PTPRT: variants seen among roughly 807,000 people sequenced by gnomAD.
The protein encoded by PTPRT is protein tyrosine phosphatase receptor type T, also known as receptor-type tyrosine-protein phosphatase T.
Under a neutral mutation model 176.8 loss-of-function variants are expected in PTPRT, and 56 were observed. The ratio of observed to expected loss-of-function variants is 0.32; its 90% confidence interval spans 0.26 to 0.40. The LOEUF (loss-of-function observed/expected upper bound fraction) is 0.40. PTPRT is among the 10% of genes least tolerant of loss of function. The probability of loss-of-function intolerance (pLI) is 1.00; values close to 1 mark genes in which losing one functional copy is unlikely to be tolerated. For synonymous variants in PTPRT, 783 were observed against 739.0 expected (o/e 1.06, Z -0.96); for missense variants, 1,540 against 1,908.2 (o/e 0.81, Z 3.60).
At chr20:42,561,269 A>C (rs1157890021) in intron 7 of PTPRT, among the ~76,000 whole-genome samples, 1 of 152,230 alleles carries the variant, frequency 6.6e-6, no homozygotes, top group East Asian at 1.9e-4. Flanking sequence ...AGGAAAGCAC[A>C]AACCTGCAAT....
chr20:42,695,685 A>G (rs982454948), intron 6 of PTPRT, among the ~76,000 whole-genome samples: 1 of 152,346 alleles, frequency 6.6e-6, no homozygotes, highest in East Asian at 1.9e-4. Flanking sequence ...GAACTTAACA[A>G]GGAAGAAGAT....
chr20:42,151,891 G>A (rs1393634426), intron 17 of PTPRT, among the ~76,000 whole-genome samples: 1 of 152,230 alleles, frequency 6.6e-6, no homozygotes, highest in East Asian at 1.9e-4. Flanking sequence ...GGATAAGCTG[G>A]TCCCTCTAGG....
chr20:42,158,146 T>C (rs1989441306), intron 17 of PTPRT, among the ~76,000 whole-genome samples: 2 of 152,234 alleles, frequency 1.3e-5, no homozygotes, highest in Non-Finnish European at 2.9e-5. Context: ...TTGTTAAAAT[T>C]TGGAGTGGTT....
chr20:42,690,302 G>A (rs985845836), intron 6 of PTPRT, among the ~76,000 whole-genome samples: 4 of 152,146 alleles, frequency 2.6e-5, no homozygotes, highest in Admixed American at 6.5e-5. Context: ...TCCTCTGAGT[G>A]CACGGTGAAT....
rs75433343 is a variant in PTPRT at position 42,350,997 on chromosome 20, A to G, written c.1763-267T>C. 4.4e-3 allele frequency among the ~76,000 whole-genome samples: 670 copies of G among 152,316 alleles called. 4 individuals are homozygous for G. The highest frequency in any genetic ancestry group is 0.016 in the African/African-American group (649 of 41,562). On this transcript the variant is annotated intron_variant, in intron 10 of 30. Coordinates refer to ENST00000373187, the MANE Select transcript of PTPRT (RefSeq NM_007050.6). ...GCATGAACCAAAACGTTCCACACCT[A>G]ATAAACAGATATGTGCAGGGAATAT...
intron 19 of PTPRT, among the ~76,000 whole-genome samples, chr20:42,124,313 G>C (rs1987744688): frequency 6.6e-6 from 1 of 152,346 alleles, no homozygotes; most frequent in Non-Finnish European, 1.5e-5. Flanking sequence ...ATCTGTCTGT[G>C]AGCAATGGGA....
chr20:42,886,494 C>T (rs918615109), intron 1 of PTPRT, among the ~76,000 whole-genome samples: 1 of 152,210 alleles, frequency 6.6e-6, no homozygotes, highest in Non-Finnish European at 1.5e-5. Context: ...CCACAGAATA[C>T]TTTCTCAGTG....
intron 7 of PTPRT, among the ~76,000 whole-genome samples, chr20:42,594,585 A>G (rs60352462): frequency 0.06 from 9,191 of 152,200 alleles, 506 homozygotes; most frequent in African/African-American, 0.15. Context: ...TAGGGAAATC[A>G]GATTTTGCCT....
At chr20:42,644,240 T>G (rs62203850) in intron 7 of PTPRT, among the ~76,000 whole-genome samples, 24,706 of 152,080 alleles carry the variant, frequency 0.16, 2,151 homozygotes, top group South Asian at 0.2. Context: ...TCTTAGGGCC[T>G]GCAGCCTCCA....
chr20:42,391,051 A>C (rs549012024), intron 9 of PTPRT, among the ~76,000 whole-genome samples: 1 of 152,314 alleles, frequency 6.6e-6, no homozygotes, highest in South Asian at 2.1e-4. Context: ...GCCACAATTA[A>C]ACACAAATTG....
chr20:42,469,022 G>A (rs1402452839), intron 8 of PTPRT, among the ~76,000 whole-genome samples: 1 of 152,058 alleles, frequency 6.6e-6, no homozygotes, highest in African/African-American at 2.4e-5. Context: ...AGGTTTCCTA[G>A]GGGAGCTGGG....
At chr20:42,690,327 A>C (rs920594996) in intron 6 of PTPRT, among the ~76,000 whole-genome samples, 7 of 152,144 alleles carry the variant, frequency 4.6e-5, no homozygotes, top group African/African-American at 1.7e-4. Context: ...GGTCTAAGGG[A>C]GAGAAACAGA....
At chr20:42,400,172 A>G (rs1439706135) in intron 9 of PTPRT, among the ~76,000 whole-genome samples, 1 of 146,160 alleles carries the variant, frequency 6.8e-6, no homozygotes, top group African/African-American at 2.5e-5. Flanking sequence ...AGAGACAGCA[A>G]TGTGGAGTAA....
intron 7 of PTPRT, among the ~76,000 whole-genome samples, chr20:42,473,192 T>C (rs2071229580): frequency 6.6e-6 from 1 of 152,138 alleles, no homozygotes; most frequent in African/African-American, 2.4e-5. Context: ...TCCCTCTTTT[T>C]CTCCCCTGGT....
intron 7 of PTPRT, among the ~76,000 whole-genome samples, chr20:42,541,480 G>A (rs937328693): frequency 1.3e-5 from 2 of 151,102 alleles, no homozygotes; most frequent in Admixed American, 6.6e-5. Flanking sequence ...TAGGAAAAGA[G>A]ATACACTAGT....
At chr20:42,840,539 A>T (rs2078260010) in intron 2 of PTPRT, among the ~76,000 whole-genome samples, 1 of 151,936 alleles carries the variant, frequency 6.6e-6, no homozygotes, top group Admixed American at 6.5e-5. Flanking sequence ...CAGCCTCCCT[A>T]GTAGCTGGGA....
intron 9 of PTPRT, among the ~76,000 whole-genome samples, chr20:42,444,291 C>A (rs2059344058): frequency 7.4e-6 from 1 of 134,604 alleles, no homozygotes. Context: ...GGCTTATAGG[C>A]AAGAATTAAA....
At chr20:42,679,404 T>C (rs1421275086) in intron 6 of PTPRT, among the ~76,000 whole-genome samples, 2 of 152,132 alleles carry the variant, frequency 1.3e-5, no homozygotes, top group African/African-American at 4.8e-5. Flanking sequence ...TGGACCAACT[T>C]GCACCAAGGA....
chr20:42,198,382 T>C (rs1176189067), intron 16 of PTPRT, among the ~76,000 whole-genome samples: 2 of 152,220 alleles, frequency 1.3e-5, no homozygotes, highest in Non-Finnish European at 2.9e-5. Context: ...AGTGATTTTT[T>C]ACAAAATGGA....
Sources: gnomAD v4.1 joint callset for allele counts (sites outside exome capture counted in the v4.1 genomes callset) on GRCh38, gnomAD v4.1.1 for gene constraint, MANE v1.5 for transcripts, NCBI Gene and HGNC (gene_info 2026-07-23, HGNC 2026-07-21) for gene names.